The following ACYP2 variants were observed in gnomAD, a reference collection of about 807,000 sequenced individuals.
The protein encoded by ACYP2 is acylphosphatase 2.
A neutral mutation model predicts 11.2 loss-of-function variants in ACYP2; 12 were observed. The observed-to-expected ratio is 1.08, with a 90% CI of 0.69 to 1.74. The LOEUF is 1.74. Among genes scored for constraint, ACYP2 ranks in the 40% most tolerant of loss-of-function variants. The pLI is 0.00. For synonymous variants in ACYP2, 43 were observed against 32.2 expected, an observed-to-expected ratio of 1.33 and a Z score of -1.13; for missense variants, 134 against 101.9, an observed-to-expected ratio of 1.31 and a Z score of -1.35.
rs567063349 is a variant in ACYP2 at position 53,980,990 on chromosome 2, C to A, written c.62+7180C>A. Among the ~76,000 whole-genome samples the A allele has an allele frequency of 2.0e-5, 3 of 152,160 alleles. No homozygotes were observed. In the South Asian group the frequency reaches 6.2e-4, roughly 32 times the overall value. ...TGGTCTCGAACTCCTGGGCTCATAC[C>A]ATTCACCCACCTCCACCTCATAAAA... On this transcript the variant is annotated intron_variant, in intron 2 of 6. Transcript: ENST00000607452.
intron 6 of ACYP2, among the ~76,000 whole-genome samples, chr2:54,260,843 G>A (rs1055057536): frequency 6.6e-6 from 1 of 151,748 alleles, no homozygotes; most frequent in East Asian, 1.9e-4. Context: ...AAATCACTGA[G>A]AGATAAGACA....
chr2:54,132,438 T>C (rs1268843731), intron 4 of ACYP2, among the ~76,000 whole-genome samples: 2 of 152,218 alleles, frequency 1.3e-5, no homozygotes, highest in Non-Finnish European at 1.5e-5. Flanking sequence ...TTTGTGATAC[T>C]ATCCTGTCTT....
intron 6 of ACYP2, among the ~76,000 whole-genome samples, chr2:54,151,219 A>T (rs1441943455): frequency 6.6e-6 from 1 of 152,214 alleles, no homozygotes; most frequent in Non-Finnish European, 1.5e-5. Flanking sequence ...TGCCTTAACT[A>T]TGAATTGACA....
intron 4 of ACYP2, among the ~76,000 whole-genome samples, chr2:54,071,861 C>T (rs1446134015): frequency 6.6e-6 from 1 of 151,966 alleles, no homozygotes; most frequent in East Asian, 1.9e-4. Context: ...AAATACAAAA[C>T]TTAGGTGGGC....
At chr2:53,982,552 G>T (rs1671818358) in intron 2 of ACYP2, among the ~76,000 whole-genome samples, 1 of 152,124 alleles carries the variant, frequency 6.6e-6, no homozygotes, top group Admixed American at 6.6e-5. Flanking sequence ...TATATCTTAA[G>T]ATCTCTAGAT....
chr2:54,048,719 AT>A (rs375396121), intron 2 of ACYP2, among the ~76,000 whole-genome samples: 27 of 152,220 alleles, frequency 1.8e-4, no homozygotes, highest in African/African-American at 6.0e-4. Context: ...CATATATGGC[AT>A]TTTTAAAGAT....
intron 6 of ACYP2, among the ~76,000 whole-genome samples, chr2:54,280,848 G>C (rs1160901615): frequency 6.6e-6 from 1 of 152,138 alleles, no homozygotes; most frequent in Non-Finnish European, 1.5e-5. Flanking sequence ...AGAGAAATGA[G>C]ATGGTAACTG....
At chr2:54,276,498 T>C (rs1688578446) in intron 6 of ACYP2, among the ~76,000 whole-genome samples, 1 of 152,150 alleles carries the variant, frequency 6.6e-6, no homozygotes, top group South Asian at 2.1e-4. Context: ...TGTTTAACTC[T>C]GGATGTCATT....
At chr2:54,287,339 CT>C (rs1689120795) in intron 6 of ACYP2, among the ~76,000 whole-genome samples, 2 of 152,082 alleles carry the variant, frequency 1.3e-5, no homozygotes, top group South Asian at 2.1e-4. Context: ...AGGGCCCCCC[CT>C]CATGACCTAA....
intron 6 of ACYP2, among the ~76,000 whole-genome samples, chr2:54,271,979 T>C (rs149940149): frequency 6.6e-6 from 1 of 152,250 alleles, no homozygotes; most frequent in Non-Finnish European, 1.5e-5. Context: ...GCAGTTGCCA[T>C]TATTCCTGTA....
At chr2:54,013,555 C>T (rs571836471) in intron 2 of ACYP2, among the ~76,000 whole-genome samples, 1 of 152,026 alleles carries the variant, frequency 6.6e-6, no homozygotes, top group South Asian at 2.1e-4. Context: ...CCACCTCGTC[C>T]TTCCAAAGTG....
chr2:54,133,388 T>A (rs1419493613), intron 4 of ACYP2, among the ~76,000 whole-genome samples: 1 of 152,230 alleles, frequency 6.6e-6, no homozygotes, highest in Non-Finnish European at 1.5e-5. Flanking sequence ...CAATGTTTTT[T>A]AATTGCTATA....
intron 4 of ACYP2, among the ~76,000 whole-genome samples, chr2:54,072,843 G>A (rs572403881): frequency 5.9e-5 from 9 of 152,168 alleles, no homozygotes; most frequent in African/African-American, 2.2e-4. Flanking sequence ...GATTACAGAC[G>A]TGAGCTGCCA....
intron 6 of ACYP2, among the ~76,000 whole-genome samples, chr2:54,181,195 G>A (rs1391328000): frequency 6.6e-6 from 1 of 152,034 alleles, no homozygotes; most frequent in African/African-American, 2.4e-5. Flanking sequence ...CAAGGGAGTC[G>A]GATAACTAAC....
At chr2:54,124,452 T>G (rs960554906) in intron 4 of ACYP2, among the ~76,000 whole-genome samples, 2 of 152,148 alleles carry the variant, frequency 1.3e-5, no homozygotes, top group Admixed American at 6.5e-5. Flanking sequence ...CTCCTCGGCC[T>G]CCCAAAGTGC....
At chr2:54,202,455 T>TG (rs903341763) in intron 6 of ACYP2, among the ~76,000 whole-genome samples, 14 of 141,424 alleles carry the variant, frequency 9.9e-5, no homozygotes, top group African/African-American at 3.8e-4. Flanking sequence ...TCTCCCAGTC[T>TG]GGAGTGCAAT....
At chr2:54,065,094 A>G (rs1335648145) in intron 4 of ACYP2, among the ~76,000 whole-genome samples, 1 of 82,702 alleles carries the variant, frequency 1.2e-5, no homozygotes, top group East Asian at 5.9e-4. Context: ...TAAATAAATA[A>G]ATAAATAAAT....
At chr2:53,992,426 A>G (rs1672345649) in intron 2 of ACYP2, among the ~76,000 whole-genome samples, 1 of 152,232 alleles carries the variant, frequency 6.6e-6, no homozygotes, top group Admixed American at 6.5e-5. Context: ...GGGGATAAGA[A>G]TGAAAGTACT....
At chr2:53,973,875 GTGTGTGTGTGTGTGTGTGTGTGTGTGTA>G in intron 2 of ACYP2, 1 of 116,472 alleles carries the variant, frequency 8.6e-6, no homozygotes, top group Non-Finnish European at 1.6e-5. Flanking sequence ...GTGTGTGTGT[GTGTGTGTGTGTGTGTGTGTGTGTGTGTA>G]TATATTTTTT....
Sources: gnomAD v4.1 joint callset for allele counts (sites outside exome capture counted in the v4.1 genomes callset) on GRCh38, gnomAD v4.1.1 for gene constraint, MANE v1.5 for transcripts, NCBI Gene and HGNC (gene_info 2026-07-23, HGNC 2026-07-21) for gene names.